DOK6: variants seen among roughly 807,000 people sequenced by gnomAD.
DOK6 encodes downstream of tyrosine kinase 6.
A neutral mutation model predicts 44.0 loss-of-function variants in DOK6; 22 were observed. That is an observed-to-expected ratio of 0.50 (90% CI 0.36 to 0.71). DOK6 has a LOEUF of 0.71. Among genes scored for constraint, DOK6 ranks in the 30% least tolerant of loss-of-function variants. The pLI, the probability that DOK6 is intolerant of heterozygous loss-of-function variation, is 0.00. For synonymous variants in DOK6, 166 were observed against 145.5 expected (o/e 1.14, Z -1.01); for missense variants, 340 against 416.4 (o/e 0.82, Z 1.60).
chr18:69,615,273 G>T (rs1300018379), intron 3 of DOK6, among the ~76,000 whole-genome samples: 1 of 152,140 alleles, frequency 6.6e-6, no homozygotes, highest in Non-Finnish European at 1.5e-5. Context: ...CATGGTCTGT[G>T]GGCAAACATA....
intron 7 of DOK6, among the ~76,000 whole-genome samples, chr18:69,762,025 GAAGAA>G (rs376443953): frequency 1.6e-4 from 24 of 152,160 alleles, no homozygotes; most frequent in African/African-American, 3.9e-4. Flanking sequence ...GTAAGGAAAG[GAAGAA>G]AAGAAAAGAA....
chr18:69,731,772 A>G (rs1186688408), intron 5 of DOK6, among the ~76,000 whole-genome samples: 1 of 152,240 alleles, frequency 6.6e-6, no homozygotes, highest in East Asian at 1.9e-4. Context: ...ACAAACTAAA[A>G]ACTGTCCCAA....
At chr18:69,723,246 A>G (rs1978291913) in intron 5 of DOK6, among the ~76,000 whole-genome samples, 1 of 152,246 alleles carries the variant, frequency 6.6e-6, no homozygotes, top group Admixed American at 6.5e-5. Context: ...TCAAGAAGGC[A>G]ACATTACTGG....
At position 69,632,697 on chromosome 18, in the gene DOK6, C is replaced by CA. The variant is rs139315627; in HGVS notation, c.289+33200dup. Among the ~76,000 whole-genome samples, 26 of 152,302 alleles carry CA rather than the reference C, an allele frequency of 1.7e-4. 1 individual carries two copies. In the East Asian group the frequency reaches 5.0e-3, roughly 29 times the overall value. ...TTCTATATTTAGAAGTACACAATTT[C>CA]AGTAGCCACTTTTCAATATTTTGTT... On this transcript the variant is annotated intron_variant, in intron 3 of 7. Transcript: ENST00000382713.
chr18:69,659,334 C>T (rs1985449927), intron 3 of DOK6, among the ~76,000 whole-genome samples: 1 of 152,196 alleles, frequency 6.6e-6, no homozygotes, highest in East Asian at 1.9e-4. Context: ...AAAGTATTGA[C>T]ACAATGGTGT....
chr18:69,734,786 A>G (rs745362461), intron 5 of DOK6, among the ~76,000 whole-genome samples: 1 of 152,038 alleles, frequency 6.6e-6, no homozygotes, highest in South Asian at 2.1e-4. Context: ...CCCACAAAAA[A>G]TTATCTTAAA....
intron 5 of DOK6, among the ~76,000 whole-genome samples, chr18:69,736,554 C>G (rs898972896): frequency 4.0e-5 from 6 of 151,794 alleles, no homozygotes; most frequent in Admixed American, 2.0e-4. Context: ...AGTTTGAAGT[C>G]AGGACAAACA....
At chr18:69,580,022 G>A (rs1983330309) in intron 2 of DOK6, among the ~76,000 whole-genome samples, 2 of 152,232 alleles carry the variant, frequency 1.3e-5, no homozygotes, top group South Asian at 4.1e-4. Flanking sequence ...TTTTTATGCA[G>A]TTCAAATACT....
chr18:69,627,802 A>C (rs1163413720), intron 3 of DOK6, among the ~76,000 whole-genome samples: 1 of 152,190 alleles, frequency 6.6e-6, no homozygotes, highest in Non-Finnish European at 1.5e-5. Context: ...CTGGATGTCA[A>C]AATCAATCAA....
chr18:69,570,762 A>G (rs1182564795), intron 2 of DOK6, among the ~76,000 whole-genome samples: 1 of 152,104 alleles, frequency 6.6e-6, no homozygotes, highest in African/African-American at 2.4e-5. Flanking sequence ...CATCTTTAGG[A>G]TGACACACAC....
intron 1 of DOK6, among the ~76,000 whole-genome samples, chr18:69,542,483 GA>G (rs1272969409): frequency 6.6e-6 from 1 of 151,352 alleles, no homozygotes; most frequent in African/African-American, 2.4e-5. Flanking sequence ...AAGAGAAAAA[GA>G]TAAGTTAAGC....
chr18:69,407,179 C>A (rs1242488100), intron 1 of DOK6, among the ~76,000 whole-genome samples: 1 of 152,158 alleles, frequency 6.6e-6, no homozygotes, highest in East Asian at 1.9e-4. Flanking sequence ...GGATCATAAA[C>A]CATGTAGAAA....
chr18:69,628,301 G>A (rs1209107100), intron 3 of DOK6, among the ~76,000 whole-genome samples: 1 of 152,128 alleles, frequency 6.6e-6, no homozygotes, highest in Non-Finnish European at 1.5e-5. Context: ...GACCAGCCTG[G>A]CAAACTTGGT....
intron 1 of DOK6, among the ~76,000 whole-genome samples, chr18:69,478,246 T>C (rs1980322302): frequency 6.6e-6 from 1 of 152,172 alleles, no homozygotes; most frequent in Non-Finnish European, 1.5e-5. Context: ...AAAAATCAGA[T>C]TAGCAGTCTT....
chr18:69,785,054 A>G (rs1414190857), intron 7 of DOK6, among the ~76,000 whole-genome samples: 3 of 152,182 alleles, frequency 2.0e-5, no homozygotes, highest in African/African-American at 7.2e-5. Flanking sequence ...GGGATGGCAA[A>G]TGACGGTCTG....
chr18:69,414,668 A>C (rs1433015795), intron 1 of DOK6, among the ~76,000 whole-genome samples: 2 of 151,934 alleles, frequency 1.3e-5, no homozygotes, highest in Non-Finnish European at 2.9e-5. Flanking sequence ...TCTTGACTGT[A>C]GTAATGTCAG....
chr18:69,667,777 G>C (rs1435631756), intron 3 of DOK6, among the ~76,000 whole-genome samples: 2 of 152,066 alleles, frequency 1.3e-5, no homozygotes, highest in East Asian at 3.9e-4. Context: ...TCAGGTCTTA[G>C]CCCTTAAATG....
intron 3 of DOK6, among the ~76,000 whole-genome samples, chr18:69,625,904 C>A (rs755287864): frequency 6.6e-6 from 1 of 152,146 alleles, no homozygotes. Flanking sequence ...GTTGATGAGT[C>A]TGTGTTTTCA....
chr18:69,535,924 T>G (rs1479109391), intron 1 of DOK6, among the ~76,000 whole-genome samples: 3 of 152,098 alleles, frequency 2.0e-5, no homozygotes, highest in Non-Finnish European at 4.4e-5. Context: ...GTCTTTGTAA[T>G]TATAACAGCT....
Sources: gnomAD v4.1 joint callset for allele counts (sites outside exome capture counted in the v4.1 genomes callset) on GRCh38, gnomAD v4.1.1 for gene constraint, MANE v1.5 for transcripts, NCBI Gene and HGNC (gene_info 2026-07-23, HGNC 2026-07-21) for gene names.